SLC36A1: variants seen among roughly 807,000 people sequenced by gnomAD.
The protein encoded by SLC36A1 is proton-coupled amino acid transporter 1.
SLC36A1 carries 30 observed loss-of-function variants against 47.5 expected under a neutral mutation model. The observed-to-expected ratio is 0.63, with a 90% CI of 0.47 to 0.86. The LOEUF (loss-of-function observed/expected upper bound fraction) is 0.86. SLC36A1 is among the 40% of genes least tolerant of loss of function. SLC36A1 has a pLI of 0.00. For missense variants in SLC36A1, 517 were observed against 606.0 expected (o/e 0.85, Z 1.54); for synonymous variants, 255 against 249.7 (o/e 1.02, Z -0.20).
At chr5:151,348,510 G>T in the SLC36A1 span, among the ~76,000 whole-genome samples, 3 of 152,340 alleles carry the variant, frequency 2.0e-5, no homozygotes, top group East Asian at 3.9e-4. Context: ...GCTTTGCTTA[G>T]CTAATGTCAC....
intron 1 of SLC36A1, among the ~76,000 whole-genome samples, chr5:151,438,924 A>G (rs1196773164): frequency 1.3e-5 from 2 of 152,138 alleles, no homozygotes. Context: ...TATTGATATA[A>G]TGTTTTATTG....
chr5:151,349,442 C>T, the SLC36A1 span, among the ~76,000 whole-genome samples: 10 of 152,108 alleles, frequency 6.6e-5, no homozygotes, highest in African/African-American at 1.7e-4. Flanking sequence ...CCCAGGCATC[C>T]GAAGCCCTGG....
the SLC36A1 span, among the ~76,000 whole-genome samples, chr5:151,422,698 A>C: frequency 6.6e-6 from 1 of 152,126 alleles, no homozygotes; most frequent in South Asian, 2.1e-4. Context: ...ACTACACTTG[A>C]GTCTGGGTGA....
chr5:151,547,674 T>C, the SLC36A1 span, among the ~76,000 whole-genome samples: 1 of 152,182 alleles, frequency 6.6e-6, no homozygotes, highest in African/African-American at 2.4e-5. Flanking sequence ...TGAGTAGCCG[T>C]TTTAAAGTGA....
chr5:151,432,756 G>T (rs1260406938), upstream of SLC36A1, among the ~76,000 whole-genome samples: 1 of 152,166 alleles, frequency 6.6e-6, no homozygotes, highest in African/African-American at 2.4e-5. Flanking sequence ...GGGTTTGATG[G>T]CTTGAAGATG....
rs747467511 is a variant in SLC36A1 at position 151,463,687 on chromosome 5, G to A, written c.234+44G>A. The A allele has an allele frequency of 3.4e-6, 5 of 1,453,590 alleles. No homozygotes were observed. The East Asian group carries it at 1.1e-4, about 33-fold the overall frequency. The allele number at this position is 1,453,590 out of a possible 1,614,324, so 90.0% of individuals were successfully genotyped here. On this transcript the variant is annotated intron_variant, in intron 3 of 10. Transcript: ENST00000243389. ...GGAGAGGAGTGGTGACAAATTTTAG[G>A]AGGTAGCTTTTTGTTGTTGTTAAAA... is the stretch of plus-strand genomic sequence containing the variant.
chr5:151,422,436 C>T, the SLC36A1 span, among the ~76,000 whole-genome samples: 3 of 152,190 alleles, frequency 2.0e-5, no homozygotes, highest in Non-Finnish European at 4.4e-5. Context: ...GACAAAAGGG[C>T]CTGGAACAGT....
the SLC36A1 span, among the ~76,000 whole-genome samples, chr5:151,499,453 G>A: frequency 0.34 from 52,218 of 152,106 alleles, 10,797 homozygotes; most frequent in African/African-American, 0.59. Context: ...AGCCCTGGGC[G>A]CGTCACTCCA....
chr5:151,516,399 C>G, the SLC36A1 span, among the ~76,000 whole-genome samples: 5 of 152,056 alleles, frequency 3.3e-5, no homozygotes, highest in East Asian at 9.6e-4. Context: ...ACCTGTAATT[C>G]CAGCTACTCC....
the SLC36A1 span, among the ~76,000 whole-genome samples, chr5:151,503,794 G>A: frequency 1.3e-5 from 2 of 152,168 alleles, no homozygotes; most frequent in Non-Finnish European, 2.9e-5. Context: ...TAGCCTGCTA[G>A]TTAGTGGACT....
At chr5:151,424,528 C>T in the SLC36A1 span, among the ~76,000 whole-genome samples, 2 of 152,108 alleles carry the variant, frequency 1.3e-5, no homozygotes, top group East Asian at 3.8e-4. Flanking sequence ...TTTGTTTTGT[C>T]ACAGACTCAT....
chr5:151,525,572 A>C, the SLC36A1 span, among the ~76,000 whole-genome samples: 1 of 152,142 alleles, frequency 6.6e-6, no homozygotes, highest in Non-Finnish European at 1.5e-5. Context: ...CAGTTTCCTC[A>C]TCTGTAAAGC....
chr5:151,465,777 T>C (rs1231373350), intron 5 of SLC36A1, among the ~76,000 whole-genome samples: 1 of 152,134 alleles, frequency 6.6e-6, no homozygotes, highest in Non-Finnish European at 1.5e-5. Context: ...AAAGAAGGCT[T>C]CAGGAGAAGG....
At chr5:151,410,831 A>C in the SLC36A1 span, among the ~76,000 whole-genome samples, 1 of 144,562 alleles carries the variant, frequency 6.9e-6, no homozygotes, top group Non-Finnish European at 1.5e-5. Context: ...CTTGACATTC[A>C]GGGCCAGATA....
chr5:151,458,959 C>T, intron 2 of SLC36A1, 24 bp downstream of exon 2: 1 of 1,589,194 alleles, frequency 6.3e-7, no homozygotes, highest in African/African-American at 1.3e-5. Context: ...ACCTTCTCCT[C>T]TCCTGGGTGG....
the SLC36A1 span, among the ~76,000 whole-genome samples, chr5:151,430,292 G>A: frequency 0.044 from 6,523 of 149,836 alleles, 460 homozygotes; most frequent in African/African-American, 0.15. Flanking sequence ...AGCCTCCCGA[G>A]TAGCTGGGAT....
At chr5:151,476,898 CACTG>C in intron 9 of SLC36A1, 142 bp downstream of exon 9, 1 of 1,032,556 alleles carries the variant, frequency 9.7e-7, no homozygotes, top group South Asian at 1.4e-5. Flanking sequence ...TGCCAGCCCT[CACTG>C]GCTGCCCTGG....
intron 1 of SLC36A1, among the ~76,000 whole-genome samples, chr5:151,449,280 C>A (rs965859859): frequency 3.9e-5 from 6 of 152,186 alleles, no homozygotes; most frequent in Non-Finnish European, 8.8e-5. Context: ...TAAACATGAT[C>A]AGGGCCCTCT....
the SLC36A1 span, among the ~76,000 whole-genome samples, chr5:151,404,505 C>T: frequency 6.6e-6 from 1 of 152,104 alleles, no homozygotes; most frequent in African/African-American, 2.4e-5. Context: ...TTTATAGGGT[C>T]TGTGGGCGAT....
Sources: gnomAD v4.1 joint callset for allele counts (sites outside exome capture counted in the v4.1 genomes callset) on GRCh38, gnomAD v4.1.1 for gene constraint, MANE v1.5 for transcripts, NCBI Gene and HGNC (gene_info 2026-07-23, HGNC 2026-07-21) for gene names.